Variants in ESR1 observed in about 807,000 individuals in gnomAD.
The protein encoded by ESR1 is estrogen receptor.
In ESR1, 12 loss-of-function variants were observed where a neutral mutation model predicts 52.7. That is an observed-to-expected ratio of 0.23 (90% confidence interval 0.15 to 0.37). The LOEUF (loss-of-function observed/expected upper bound fraction) is 0.37, where lower values mean the gene tolerates loss of function less well. Ranked by LOEUF, ESR1 falls within the 10% of genes least tolerant of loss-of-function variation. The pLI, the probability that ESR1 is intolerant of heterozygous loss-of-function variation, is 1.00. For missense variants in ESR1, 584 were observed against 779.7 expected, an observed-to-expected ratio of 0.75 and a Z score of 2.99; for synonymous variants, 305 against 316.8, an observed-to-expected ratio of 0.96 and a Z score of 0.39.
At chr6:151,971,814 G>A (rs1179718425) in intron 4 of ESR1, among the ~76,000 whole-genome samples, 1 of 151,824 alleles carries the variant, frequency 6.6e-6, no homozygotes, top group East Asian at 1.9e-4. Flanking sequence ...GATCAGAGCA[G>A]AACTAAATGA....
rs919727922 is a variant in ESR1 at position 152,099,969 on chromosome 6, C to T, written c.*1003C>T. The T allele has an allele frequency of 7.5e-6, 3 of 398,922 alleles. No individual in the cohort carries two copies. Among genetic ancestry groups the T allele is most frequent in the Non-Finnish European group, 1.3e-5 (3 of 226,446 alleles). 24.7% of individuals were successfully genotyped at this position (398,922 alleles called of 1,614,324 possible). On this transcript the variant is annotated 3_prime_UTR_variant, in exon 8 of 8. Coordinates refer to ENST00000206249, the MANE Select transcript of ESR1 (RefSeq NM_000125.4). ...GCAGGGGCCCTGGTGTTGCATTTAG[C>T]CCTGGGGCATGGAGCTGAACAGTAC...
chr6:151,720,097 C>G (rs1321453225), intron 2 of ESR1, among the ~76,000 whole-genome samples: 5 of 151,930 alleles, frequency 3.3e-5, no homozygotes, highest in Admixed American at 3.3e-4. Flanking sequence ...CATTGGCTCA[C>G]TTTTTTTTGT....
At chr6:151,854,137 C>T (rs1030774908) in intron 2 of ESR1, among the ~76,000 whole-genome samples, 7 of 152,124 alleles carry the variant, frequency 4.6e-5, no homozygotes, top group East Asian at 1.9e-4. Flanking sequence ...GTATTTTAGA[C>T]GTAGGTTGCT....
At chr6:152,086,887 G>A (rs1233029322) in intron 6 of ESR1, among the ~76,000 whole-genome samples, 1 of 152,066 alleles carries the variant, frequency 6.6e-6, no homozygotes, top group African/African-American at 2.4e-5. Context: ...TTACGAGCAG[G>A]CTCTTCACCT....
chr6:151,829,635 A>G (rs1249931421), intron 1 of ESR1, among the ~76,000 whole-genome samples: 1 of 152,198 alleles, frequency 6.6e-6, no homozygotes, highest in Non-Finnish European at 1.5e-5. Flanking sequence ...GCCCTCTTGG[A>G]TGCAGTGAAG....
Position 152,121,853 on chromosome 6 carries a change from T to C in ESR1, c.851-3413T>C, listed in dbSNP as rs3756933. Reference sequence around the variant, plus strand: ...ATTACATCTAGTTTTTCTTTATACCTCTAAAAAAAAGTGCCTTTTAGATTT... The same window carrying C: ...ATTACATCTAGTTTTTCTTTATACCCCTAAAAAAAAGTGCCTTTTAGATTT... On this transcript the variant is annotated intron_variant, in intron 6 of 6. Transcript: ENST00000427531. The C allele has an allele frequency of 0.024, 3,701 of 154,136 alleles. 78 individuals are homozygous for C. The highest frequency in any genetic ancestry group is 0.061 in the East Asian group (320 of 5,208). The allele number at this position is 154,136 out of a possible 1,614,324, so 9.5% of individuals were successfully genotyped here. A position where few individuals can be genotyped will look rare whatever the true frequency, so the allele number is the denominator to read the frequency against.
At chr6:151,775,536 A>G (rs533412917) in intron 2 of ESR1, among the ~76,000 whole-genome samples, 2 of 152,256 alleles carry the variant, frequency 1.3e-5, no homozygotes, top group African/African-American at 2.4e-5. Flanking sequence ...TCACAAGATC[A>G]GAAGATCGAG....
intron 3 of ESR1, among the ~76,000 whole-genome samples, chr6:151,889,026 A>G (rs1794305414): frequency 6.6e-6 from 1 of 152,162 alleles, no homozygotes; most frequent in Non-Finnish European, 1.5e-5. Context: ...CCACTCGATC[A>G]TGGTGAATGA....
rs575608884 is a variant in ESR1, at chr6:152,121,263, C to T, written c.851-4003C>T. Among the ~76,000 whole-genome samples the T allele has an allele frequency of 1.4e-4, 21 of 152,218 alleles. No homozygotes were observed. In the South Asian group the frequency reaches 1.5e-3, roughly 11 times the overall value. On this transcript the variant is annotated intron_variant, in intron 6 of 6. Transcript: ENST00000427531. ...TGATAGAAGAAAACTGTATTTTATC[C>T]GGTAGACAATGAACAATAGAAGGCT...
chr6:151,863,261 C>A (rs1294930913), intron 2 of ESR1, among the ~76,000 whole-genome samples: 2 of 152,140 alleles, frequency 1.3e-5, no homozygotes, highest in African/African-American at 4.8e-5. Context: ...GATATTGATT[C>A]TTCCTATCCA....
In ESR1 at chr6:152,125,341, G is replaced by A. The variant is rs779072988; in HGVS notation, c.926G>A (p.Arg309His). The change falls in exon 7 of 7, where the codon CGT (arginine) becomes CAT (histidine). Residue 309 changes from arginine to histidine, a missense_variant. Arg to His is a conservative substitution (Grantham distance 29). Coordinates refer to the ESR1 transcript ENST00000427531. The stretch of plus-strand genomic sequence containing the variant: ...ATATTTGGAAACAAGTGGTTTCCTC[G>A]TGTCTAAAGCCTCTGGTCATAAGGC... The A allele has an allele frequency of 2.4e-4, 374 of 1,550,088 alleles. 1 individual carries two copies. Among genetic ancestry groups the A allele is most frequent in the Non-Finnish European group, 3.0e-4 (339 of 1,146,764 alleles).
intron 3 of ESR1, among the ~76,000 whole-genome samples, chr6:151,905,884 G>A (rs932149592): frequency 6.6e-6 from 1 of 152,148 alleles, no homozygotes. Context: ...AATAATGGTT[G>A]AAGACAGATG....
chr6:151,762,836 T>C (rs1230852523), intron 2 of ESR1, among the ~76,000 whole-genome samples: 1 of 151,994 alleles, frequency 6.6e-6, no homozygotes, highest in East Asian at 1.9e-4. Flanking sequence ...TAGTGGCGTG[T>C]GTCTGTAGTC....
chr6:152,095,703 A>G (rs1454638017), intron 7 of ESR1, among the ~76,000 whole-genome samples: 1 of 152,106 alleles, frequency 6.6e-6, no homozygotes, highest in East Asian at 1.9e-4. Flanking sequence ...CATAGCTCAG[A>G]TCTCACTCCT....
At chr6:151,864,482 T>G (rs1257975410) in intron 2 of ESR1, among the ~76,000 whole-genome samples, 1 of 152,122 alleles carries the variant, frequency 6.6e-6, no homozygotes, top group African/African-American at 2.4e-5. Flanking sequence ...ACTTTTACAC[T>G]GTTGGTGGGA....
intron 5 of ESR1, among the ~76,000 whole-genome samples, chr6:152,016,377 A>G (rs2043172400): frequency 6.6e-6 from 1 of 152,148 alleles, no homozygotes; most frequent in African/African-American, 2.4e-5. Context: ...TACAAATAAC[A>G]TGATATTAAA....
intron 6 of ESR1, among the ~76,000 whole-genome samples, chr6:152,109,506 A>G (rs1245386971): frequency 2.6e-5 from 4 of 151,418 alleles, no homozygotes; most frequent in Non-Finnish European, 4.4e-5. Context: ...TCTCTACCAA[A>G]AAAAAAAAAA....
At chr6:151,687,152 C>T (rs1164739604), upstream of ESR1, among the ~76,000 whole-genome samples, 1 of 152,184 alleles carries the variant, frequency 6.6e-6, no homozygotes, top group Non-Finnish European at 1.5e-5. Context: ...TCCTAGGTCA[C>T]TGGCCAGTCT....
At chr6:152,106,811 G>T (rs780504901), downstream of ESR1, among the ~76,000 whole-genome samples, 3 of 152,052 alleles carry the variant, frequency 2.0e-5, no homozygotes, top group Admixed American at 6.6e-5. Flanking sequence ...TCATTATGTT[G>T]CCCAGGCTGG....
Sources: allele counts gnomAD v4.1 joint callset (sites outside exome capture counted in the v4.1 genomes callset), GRCh38; gene constraint gnomAD v4.1.1; transcripts MANE v1.5; gene names NCBI Gene and HGNC (gene_info 2026-07-23, HGNC 2026-07-21).